Variants in KNDC1 observed in about 807,000 individuals in gnomAD.
KNDC1 encodes kinase non-catalytic C-lobe domain-containing protein 1.
KNDC1 carries 106 observed loss-of-function variants against 172.8 expected under a neutral mutation model. The ratio of observed to expected loss-of-function variants is 0.61; its 90% CI spans 0.52 to 0.72. The LOEUF (loss-of-function observed/expected upper bound fraction) is 0.72. Among genes scored for constraint, KNDC1 ranks in the 30% least tolerant of loss-of-function variants. The pLI is 0.00. For synonymous variants in KNDC1, 1,083 were observed against 1,062.2 expected (o/e 1.02, Z -0.38); for missense variants, 2,325 against 2,394.5 (o/e 0.97, Z 0.61).
intron 26 of KNDC1, among the ~76,000 whole-genome samples, chr10:133,215,378 C>T (rs191978610): frequency 6.6e-6 from 1 of 152,334 alleles, no homozygotes; most frequent in Admixed American, 6.5e-5. Context: ...CCCCTCCAAG[C>T]CCGCAGGCAA....
At chr10:133,215,863 T>C (rs1845459955) in intron 26 of KNDC1, among the ~76,000 whole-genome samples, 1 of 152,264 alleles carries the variant, frequency 6.6e-6, no homozygotes, top group Non-Finnish European at 1.5e-5. Flanking sequence ...GCACCCAGCG[T>C]GGCCGGGACA....
In KNDC1 at chr10:133,167,524, C is replaced by T. The variant is rs773066267; in HGVS notation, c.246C>T (p.Pro82=). Residue 82 remains proline, a synonymous_variant, in exon 2 of 30, where the codon CCC becomes CCT. Transcript: ENST00000304613. The part of the protein sequence containing the change: ...AAIFQSLCIT[P]DTLAFNTSGN... The stretch of plus-strand genomic sequence containing the variant: ...TCTTCCAGAGCCTGTGCATCACGCC[C>T]GACACCCTGGCCTTCAACACCAGCG... The T allele has an allele frequency of 7.5e-6, 12 of 1,604,126 alleles. No individual in the cohort carries two copies. The highest frequency in any genetic ancestry group is 5.6e-5 in the South Asian group (5 of 89,184).
intron 26 of KNDC1, among the ~76,000 whole-genome samples, chr10:133,216,013 A>G (rs1845463492): frequency 6.6e-6 from 1 of 152,224 alleles, no homozygotes; most frequent in Non-Finnish European, 1.5e-5. Flanking sequence ...CCATCTAACA[A>G]GTGTTAGAGC....
chr10:133,217,290 C>T (rs1845485815), intron 26 of KNDC1, among the ~76,000 whole-genome samples: 1 of 152,374 alleles, frequency 6.6e-6, no homozygotes. Context: ...CAGACTGAGA[C>T]GTCAGCGTAG....
In KNDC1 at chr10:133,160,537, T is replaced by C; in HGVS notation, c.70T>C (p.Phe24Leu). ...EDGKDLDFYDFEPLPTLPEDE... is the reference protein window; with the variant it reads ...EDGKDLDFYDLEPLPTLPEDE... ...CGGCAAAGACCTGGACTTCTACGAC[T>C]TCGAGCCGCTGCCCACCCTCCCCGA... Residue 24 changes from phenylalanine (F) to leucine (L), a missense_variant, in exon 1 of 30, where the codon TTC becomes CTC. Transcript: ENST00000304613. The C allele has an allele frequency of 6.3e-7, 1 of 1,584,968 alleles. No homozygotes were observed. The highest frequency in any genetic ancestry group is 8.6e-7 in the Non-Finnish European group (1 of 1,167,622).
intron 26 of KNDC1, among the ~76,000 whole-genome samples, chr10:133,215,251 G>A (rs1845449043): frequency 1.3e-5 from 2 of 152,244 alleles, no homozygotes; most frequent in Non-Finnish European, 2.9e-5. Flanking sequence ...AGAGTGGGCT[G>A]AAGGCTCTGG....
Position 133,191,763 on chromosome 10 carries a change from G to A in KNDC1, c.1575+1950G>A, listed in dbSNP as rs190615074. On this transcript the variant is annotated intron_variant, in intron 9 of 29. Transcript: ENST00000304613. ...GGTCTGTAATCAGAGGACCAGGGAG[G>A]ACCAGGATGCATTTACACCCCCTGC... Among the ~76,000 whole-genome samples, 23 of 152,308 alleles carry A rather than the reference G, an allele frequency of 1.5e-4. No individual in the cohort carries two copies. The East Asian group carries it at 4.4e-3, about 29-fold the overall frequency.
At chr10:133,169,393 G>A (rs1853297894) in intron 3 of KNDC1, among the ~76,000 whole-genome samples, 1 of 152,232 alleles carries the variant, frequency 6.6e-6, no homozygotes. Flanking sequence ...CCAAGAGGTC[G>A]AGGCTGCAGT....
Position 133,221,967 on chromosome 10 carries a change from G to T in KNDC1, c.5018+1855G>T, listed in dbSNP as rs1351559544. ...CCTGTAACCCTAGGTGGGCCGGGCTGGGTGCAGCCACTCACGCCTGTAACC... is the reference window on the plus strand; with the variant it reads ...CCTGTAACCCTAGGTGGGCCGGGCTTGGTGCAGCCACTCACGCCTGTAACC... On this transcript the variant is annotated intron_variant, in intron 29 of 29. Transcript: ENST00000304613. 3.0e-5 allele frequency among the ~76,000 whole-genome samples: 2 copies of T among 67,624 alleles called. 1 individual carries two copies. Among genetic ancestry groups the T allele is most frequent in the East Asian group, 2.7e-3 (2 of 738 alleles). 44.4% of individuals were successfully genotyped at this position (67,624 alleles called of 152,430 possible).
Position 133,210,593 on chromosome 10 carries a change from GCCCGC to G in KNDC1, c.3795-9_3795-5del. 2 of 1,170,028 alleles carry G rather than the reference GCCCGC, an allele frequency of 1.7e-6. No homozygotes were observed. The highest frequency in any genetic ancestry group is 2.5e-6 in the Non-Finnish European group (2 of 790,066). The allele number at this position is 1,170,028 out of a possible 1,614,324, so 72.5% of individuals were successfully genotyped here. A position where few individuals can be genotyped will look rare whatever the true frequency, so the allele number is the denominator to read the frequency against. On this transcript the variant is annotated splice_polypyrimidine_tract_variant and intron_variant, in intron 20 of 29. Transcript: ENST00000304613. ...GCGGCCACCCCACCACCTCACCGCC[GCCCGC>G]CCCGCCCCACAGTGATGCCTTCCTG...
intron 26 of KNDC1, among the ~76,000 whole-genome samples, chr10:133,215,615 T>C (rs1845455469): frequency 6.6e-6 from 1 of 152,258 alleles, no homozygotes; most frequent in African/African-American, 2.4e-5. Context: ...CCAGGCTTCA[T>C]GAGGATGAGC....
At position 133,199,532 on chromosome 10, in the gene KNDC1, C is replaced by T. The variant is rs780792193; in HGVS notation, c.2833C>T (p.Leu945=). The T allele has an allele frequency of 6.2e-7, 1 of 1,613,914 alleles. No homozygotes were observed. Among genetic ancestry groups the T allele is most frequent in the Non-Finnish European group, 8.5e-7 (1 of 1,179,994 alleles). ...CGCCATTTCCGAGAAGTTCTGTGAC[C>T]TGTACTGGGATGAGAAGTTGCTGCA... ...CGAISEKFCD[L]YWDEKLLQNL... Residue 945 remains leucine, a synonymous_variant, in exon 15 of 30, where the codon CTG becomes TTG. Coordinates refer to ENST00000304613, the MANE Select transcript of KNDC1 (RefSeq NM_152643.8).
Position 133,224,865 on chromosome 10 carries a change from G to T in KNDC1, c.5225G>T (p.Arg1742Leu). 6.2e-7 allele frequency: 1 copy of T among 1,613,704 alleles called. No homozygotes were observed. Among genetic ancestry groups the T allele is most frequent in the Admixed American group, 1.7e-5 (1 of 60,022 alleles). ...TCACGGAAGATTCAGGACAAGCTACGGAGGATGAAGGCTACATTCCAGTAG... is the reference window on the plus strand; with the variant it reads ...TCACGGAAGATTCAGGACAAGCTACTGAGGATGAAGGCTACATTCCAGTAG... Reference protein sequence around the residue: ...KHSRKIQDKLRRMKATFQ With the variant: ...KHSRKIQDKLLRMKATFQ The change falls in exon 30 of 30, where the codon CGG becomes CTG. Residue 1742 changes from arginine (R) to leucine (L), a missense_variant. Physicochemically the swap from Arg to Leu is moderately radical, Grantham distance 102 (BLOSUM62 -2). Coordinates refer to ENST00000304613, the MANE Select transcript of KNDC1 (RefSeq NM_152643.8). This position sits in a 1 kb window ranked among gnomAD's most constrained non-coding sequence, Gnocchi z 5.4.
chr10:133,204,820 G>A (rs977561406), intron 17 of KNDC1, among the ~76,000 whole-genome samples: 4 of 152,090 alleles, frequency 2.6e-5, no homozygotes, highest in African/African-American at 7.2e-5. Flanking sequence ...CCCTCGGGGC[G>A]GTCGCTTCGG....
At position 133,199,110 on chromosome 10, in the gene KNDC1, C is replaced by A. The variant is rs567180410; in HGVS notation, c.2602C>A (p.Arg868=). 4 of 1,608,454 alleles carry A rather than the reference C, an allele frequency of 2.5e-6. No homozygotes were observed. Among genetic ancestry groups the A allele is most frequent in the South Asian group, 1.1e-5 (1 of 90,390 alleles). The part of the protein sequence containing the change: ...QSPDSVPERP[R]PADRRLCLPC... ...TCCAGACAGTGTCCCAGAGAGGCCG[C>A]GGCCCGCAGACCGGAGGCTCTGTCT... Residue 868 remains arginine, a synonymous_variant, in exon 14 of 30, where the codon CGG becomes AGG. Transcript: ENST00000304613.
At chr10:133,166,680 G>T (rs536757619) in intron 1 of KNDC1, among the ~76,000 whole-genome samples, 23 of 152,048 alleles carry the variant, frequency 1.5e-4, no homozygotes, top group Non-Finnish European at 2.8e-4. Flanking sequence ...TGGGATGCAT[G>T]TATGGGGATG....
chr10:133,190,020 T>C (rs1854035473), intron 9 of KNDC1, among the ~76,000 whole-genome samples: 1 of 152,202 alleles, frequency 6.6e-6, no homozygotes, highest in Non-Finnish European at 1.5e-5. Context: ...GCACTGGCCA[T>C]GTGCACTAGA....
At chr10:133,165,227 C>G (rs1853110270) in intron 1 of KNDC1, among the ~76,000 whole-genome samples, 1 of 152,242 alleles carries the variant, frequency 6.6e-6, no homozygotes, top group South Asian at 2.1e-4. Flanking sequence ...CGACGGAATT[C>G]AGACACGCCC....
chr10:133,222,453 G>A (rs1845619370), intron 29 of KNDC1, among the ~76,000 whole-genome samples: 1 of 83,900 alleles, frequency 1.2e-5, no homozygotes, highest in African/African-American at 3.6e-5. Context: ...CGGCGTGTGT[G>A]TGTGTGTGTG....
Sources: gnomAD v4.1 joint callset for allele counts (sites outside exome capture counted in the v4.1 genomes callset) on GRCh38, gnomAD v4.1.1 for gene constraint, Gnocchi (gnomAD v3.1) non-coding constraint, MANE v1.5 for transcripts, NCBI Gene and HGNC (gene_info 2026-07-23, HGNC 2026-07-21) for gene names.